Variants in ITPR2 observed in about 807,000 individuals in gnomAD.
ITPR2 encodes inositol 1,4,5-trisphosphate-gated calcium channel ITPR2.
A neutral mutation model predicts 317.1 loss-of-function variants in ITPR2; 207 were observed. The observed-to-expected ratio is 0.65, with a 90% CI of 0.58 to 0.73. The LOEUF (loss-of-function observed/expected upper bound fraction) is 0.73. Among genes scored for constraint, ITPR2 ranks in the 30% least tolerant of loss-of-function variants. The probability of loss-of-function intolerance (pLI) is 0.00; values close to 1 mark genes in which losing one functional copy is unlikely to be tolerated. For missense variants in ITPR2, 2,613 were observed against 3,284.0 expected, an observed-to-expected ratio of 0.80 and a Z score of 4.99; for synonymous variants, 1,156 against 1,149.1, an observed-to-expected ratio of 1.01 and a Z score of -0.12.
intron 1 of ITPR2, among the ~76,000 whole-genome samples, chr12:26,823,138 A>G (rs531456276): frequency 9.9e-5 from 15 of 152,262 alleles, no homozygotes; most frequent in African/African-American, 3.6e-4. Flanking sequence ...TTTCTGTGGT[A>G]CTGTTTTAAT....
chr12:26,818,761 T>C (rs1050088517), intron 1 of ITPR2, among the ~76,000 whole-genome samples: 2 of 151,858 alleles, frequency 1.3e-5, no homozygotes, highest in African/African-American at 4.8e-5. Flanking sequence ...TCTTTGAAAA[T>C]ATGGTTGAAG....
intron 2 of ITPR2, among the ~76,000 whole-genome samples, chr12:26,765,081 G>A (rs569603338): frequency 6.6e-6 from 1 of 151,990 alleles, no homozygotes; most frequent in African/African-American, 2.4e-5. Context: ...GCTCTAAGTG[G>A]CATAACCTAC....
At chr12:26,615,039 AGAG>A (rs1946345729) in intron 26 of ITPR2, among the ~76,000 whole-genome samples, 1 of 152,356 alleles carries the variant, frequency 6.6e-6, no homozygotes, top group African/African-American at 2.4e-5. Flanking sequence ...GGAGAAAGAG[AGAG>A]GAGAAGAGGG....
intron 2 of ITPR2, among the ~76,000 whole-genome samples, chr12:26,778,210 T>C (rs1950011790): frequency 6.6e-6 from 1 of 152,230 alleles, no homozygotes; most frequent in African/African-American, 2.4e-5. Flanking sequence ...TGGAAGCCAC[T>C]GAAGCTACTT....
Position 26,707,538 on chromosome 12 carries a change from A to G in ITPR2, c.951+3635T>C, listed in dbSNP as rs376499089. 7.7e-4 allele frequency among the ~76,000 whole-genome samples: 117 copies of G among 152,224 alleles called. 2 individuals are homozygous for G. Among genetic ancestry groups the G allele is most frequent in the African/African-American group, 2.6e-3 (107 of 41,566 alleles). The stretch of plus-strand genomic sequence containing the variant: ...TAAAAAACCTGGGCTATTTTATTTT[A>G]TTTTATTTTTTGAGACAGAGTCTTG... On this transcript the variant is annotated intron_variant, in intron 9 of 56. Transcript: ENST00000381340.
chr12:26,561,915 G>A lies in ITPR2; in HGVS notation c.4668C>T (p.Asp1556=). The change falls in exon 35 of 57, where the codon GAC becomes GAT. Residue 1556 remains aspartate, a synonymous_variant. Transcript: ENST00000381340. ...TCATGAAAAGAGTATTAACTTGGCT[G>A]TCCAAATCCACTGGAATGGCAATTC... ...NRGIAIPVDL[D]SQVNTLFMKS... 3.2e-6 allele frequency: 5 copies of A among 1,538,964 alleles called. No individual in the cohort carries two copies. Among genetic ancestry groups the A allele is most frequent in the Non-Finnish European group, 4.3e-6 (5 of 1,153,132 alleles).
At chr12:26,580,530 G>A (rs952670478) in intron 32 of ITPR2, among the ~76,000 whole-genome samples, 1 of 152,160 alleles carries the variant, frequency 6.6e-6, no homozygotes. Context: ...CATTCTAAGT[G>A]TAAGAAAGGT....
Position 26,352,836 on chromosome 12 carries a change from C to T in ITPR2, c.7858-12508G>A, listed in dbSNP as rs150157268. The stretch of plus-strand genomic sequence containing the variant: ...TCTCTCAGAGAAGAGAACTGGGTTG[C>T]GCCATTTGTAAGGACCAATGGTGCA... On this transcript the variant is annotated intron_variant, in intron 55 of 56. Transcript: ENST00000381340. Among the ~76,000 whole-genome samples the T allele has an allele frequency of 1.2e-4, 19 of 152,302 alleles. No individual in the cohort carries two copies. In the East Asian group the frequency reaches 2.1e-3, roughly 17 times the overall value.
chr12:26,554,994 T>A (rs993133400), intron 36 of ITPR2, among the ~76,000 whole-genome samples: 1 of 149,596 alleles, frequency 6.7e-6, no homozygotes, highest in African/African-American at 2.4e-5. Flanking sequence ...AGTTGTACAC[T>A]CAGGGCCTCT....
intron 2 of ITPR2, among the ~76,000 whole-genome samples, chr12:26,769,897 T>C (rs1169437650): frequency 1.3e-5 from 2 of 152,124 alleles, no homozygotes; most frequent in Non-Finnish European, 1.5e-5. Flanking sequence ...TCTTACCACA[T>C]CACGTTCCTA....
chr12:26,506,239 T>A (rs1189958440), intron 37 of ITPR2, among the ~76,000 whole-genome samples: 1 of 151,554 alleles, frequency 6.6e-6, no homozygotes, highest in Admixed American at 6.6e-5. Flanking sequence ...CCTGGTGTGA[T>A]AACATACACC....
chr12:26,707,783 G>A (rs1948579310), intron 9 of ITPR2, among the ~76,000 whole-genome samples: 1 of 152,084 alleles, frequency 6.6e-6, no homozygotes, highest in South Asian at 2.1e-4. Context: ...ACCCGCCTCA[G>A]CCTCCTAAAG....
intron 2 of ITPR2, among the ~76,000 whole-genome samples, chr12:26,735,132 C>T (rs1385825381): frequency 6.6e-6 from 1 of 151,762 alleles, no homozygotes. Context: ...TCCTGAGAAG[C>T]TGGGATTACA....
At chr12:26,443,268 C>A (rs1941529933) in intron 46 of ITPR2, among the ~76,000 whole-genome samples, 1 of 152,064 alleles carries the variant, frequency 6.6e-6, no homozygotes, top group South Asian at 2.1e-4. Context: ...AACGCTATTG[C>A]TCTGCAATGA....
intron 55 of ITPR2, among the ~76,000 whole-genome samples, chr12:26,349,542 T>C (rs544591896): frequency 3.9e-5 from 6 of 152,392 alleles, no homozygotes; most frequent in African/African-American, 1.4e-4. Context: ...CAAATCTAAA[T>C]GCTCAAATAT....
At chr12:26,573,691 G>C (rs751735553) in intron 34 of ITPR2, among the ~76,000 whole-genome samples, 45 of 152,196 alleles carry the variant, frequency 3.0e-4, no homozygotes, top group Non-Finnish European at 5.3e-4. Context: ...GATCCAAACA[G>C]AGGGAATGGC....
intron 39 of ITPR2, among the ~76,000 whole-genome samples, chr12:26,491,441 C>A (rs548987370): frequency 7.3e-6 from 1 of 136,932 alleles, no homozygotes; most frequent in East Asian, 2.3e-4. Flanking sequence ...CGAGATTACA[C>A]CACTGCACTC....
At chr12:26,743,234 T>TG (rs1949265718) in intron 2 of ITPR2, among the ~76,000 whole-genome samples, 1 of 152,168 alleles carries the variant, frequency 6.6e-6, no homozygotes, top group African/African-American at 2.4e-5. Context: ...AAACAATCTA[T>TG]GGTGTGAGGG....
At chr12:26,567,959 T>TA (rs1480602193) in intron 34 of ITPR2, among the ~76,000 whole-genome samples, 1 of 24,438 alleles carries the variant, frequency 4.1e-5, no homozygotes, top group East Asian at 4.5e-4. Flanking sequence ...ATTATATATA[T>TA]ATATATATAT....
Sources: allele counts gnomAD v4.1 joint callset (sites outside exome capture counted in the v4.1 genomes callset), GRCh38; gene constraint gnomAD v4.1.1; transcripts MANE v1.5; gene names NCBI Gene and HGNC (gene_info 2026-07-23, HGNC 2026-07-21).